The following RAPGEF6 variants were observed in gnomAD, a reference collection of about 807,000 sequenced individuals.
RAPGEF6 encodes Rap guanine nucleotide exchange factor 6.
A neutral mutation model predicts 171.4 loss-of-function variants in RAPGEF6; 56 were observed. That is an observed-to-expected ratio of 0.33 (90% CI 0.26 to 0.41). RAPGEF6 has a LOEUF of 0.41. Among genes scored for constraint, RAPGEF6 ranks in the 10% least tolerant of loss-of-function variants. The pLI is 1.00. For synonymous variants in RAPGEF6, 692 were observed against 650.1 expected (o/e 1.06, Z -0.98); for missense variants, 1,674 against 1,921.4 (o/e 0.87, Z 2.41).
intron 15 of RAPGEF6, among the ~76,000 whole-genome samples, chr5:131,481,573 T>G (rs555494976): frequency 6.6e-6 from 1 of 152,202 alleles, no homozygotes; most frequent in Admixed American, 6.5e-5. Context: ...TGGTGAATTA[T>G]TTCATCCTTA....
chr5:131,539,765 T>A (rs1447067531), intron 6 of RAPGEF6, among the ~76,000 whole-genome samples: 1 of 152,178 alleles, frequency 6.6e-6, no homozygotes, highest in African/African-American at 2.4e-5. Flanking sequence ...TCTAATATGC[T>A]CTGGATCTAA....
rs551684930 is a variant in RAPGEF6, at chr5:131,427,430, T to C, written c.4781-139A>G. On this transcript the variant is annotated intron_variant, in intron 27 of 27. Coordinates refer to ENST00000509018, the MANE Select transcript of RAPGEF6 (RefSeq NM_016340.6). ...CATCGAGGCCCAGATTTTATTATAA[T>C]AATACCTATGATTTCTGATCACATT... 8.8e-6 allele frequency: 6 copies of C among 681,904 alleles called. No homozygotes were observed. The East Asian group carries it at 1.4e-4, about 16-fold the overall frequency. 42.2% of individuals were successfully genotyped at this position (681,904 alleles called of 1,614,324 possible). A position where few individuals can be genotyped will look rare whatever the true frequency, so the allele number is the denominator to read the frequency against.
chr5:131,542,070 G>A (rs1300303879), intron 6 of RAPGEF6, among the ~76,000 whole-genome samples: 1 of 152,184 alleles, frequency 6.6e-6, no homozygotes, highest in Non-Finnish European at 1.5e-5. Context: ...CAAAGTGAGT[G>A]ATTCTGAGGG....
chr5:131,632,916 G>A (rs765909264), intron 1 of RAPGEF6, among the ~76,000 whole-genome samples: 40 of 152,276 alleles, frequency 2.6e-4, no homozygotes, highest in Middle Eastern at 3.4e-3. Context: ...TGTACTGTGG[G>A]CAGCTGTTTA....
intron 20 of RAPGEF6, among the ~76,000 whole-genome samples, chr5:131,455,406 C>T (rs1199391364): frequency 1.3e-5 from 2 of 152,122 alleles, no homozygotes; most frequent in East Asian, 3.9e-4. Flanking sequence ...CTACAGGCGG[C>T]CGCCACCACC....
At chr5:131,520,788 G>A (rs1256349469) in intron 7 of RAPGEF6, among the ~76,000 whole-genome samples, 1 of 152,132 alleles carries the variant, frequency 6.6e-6, no homozygotes, top group Admixed American at 6.5e-5. Flanking sequence ...CCTAACTTGG[G>A]TTCAATCTCA....
chr5:131,537,758 A>G (rs541542693), intron 6 of RAPGEF6, among the ~76,000 whole-genome samples: 1 of 152,320 alleles, frequency 6.6e-6, no homozygotes, highest in South Asian at 2.1e-4. Flanking sequence ...CAGATTGAAG[A>G]AACTGCAGAC....
intron 6 of RAPGEF6, among the ~76,000 whole-genome samples, chr5:131,536,506 T>C (rs747901782): frequency 2.6e-5 from 4 of 152,148 alleles, no homozygotes; most frequent in Non-Finnish European, 5.9e-5. Flanking sequence ...CTGTCATATA[T>C]ATCCACTAAC....
At chr5:131,492,828 C>T (rs1251086248) in intron 13 of RAPGEF6, 43 bp from the exon 14 acceptor site, 2 of 1,535,710 alleles carry the variant, frequency 1.3e-6, no homozygotes, top group African/African-American at 1.4e-5. Context: ...TGTATCTATT[C>T]CTATAGGTTT....
At chr5:131,517,650 G>T (rs1580955005) in intron 7 of RAPGEF6, among the ~76,000 whole-genome samples, 1 of 148,764 alleles carries the variant, frequency 6.7e-6, no homozygotes, top group African/African-American at 2.5e-5. Context: ...TAACTAAGGG[G>T]TATATTCATA....
chr5:131,493,088 G>A (rs888214522), intron 13 of RAPGEF6, among the ~76,000 whole-genome samples: 12 of 151,286 alleles, frequency 7.9e-5, no homozygotes, highest in African/African-American at 2.4e-4. Flanking sequence ...TTTTTGAGAC[G>A]GAGCCTCGCT....
rs1755145198 is a variant in RAPGEF6 at position 131,476,991 on chromosome 5, A to G, written c.2081+2522T>C. 4.6e-5 allele frequency among the ~76,000 whole-genome samples: 7 copies of G among 152,300 alleles called. No individual in the cohort carries two copies. In the South Asian group the frequency reaches 1.4e-3, roughly 32 times the overall value. Reference sequence around the variant, plus strand: ...AATGGTATCCAGTATTAAACTGTATATCCTGGATCAATATCAATATAGATC... The same window carrying G: ...AATGGTATCCAGTATTAAACTGTATGTCCTGGATCAATATCAATATAGATC... On this transcript the variant is annotated intron_variant, in intron 16 of 27. Transcript: ENST00000509018.
At chr5:131,549,071 T>C (rs2149950657) in intron 5 of RAPGEF6, among the ~76,000 whole-genome samples, 1 of 151,708 alleles carries the variant, frequency 6.6e-6, no homozygotes, top group African/African-American at 2.4e-5. Flanking sequence ...TCTCAAAAAA[T>C]TAAAAAAAAA....
At chr5:131,498,711 C>T (rs1380165604) in intron 11 of RAPGEF6, 104 bp from the exon 12 acceptor site, 39 of 1,065,354 alleles carry the variant, frequency 3.7e-5, no homozygotes, top group African/African-American at 8.1e-5. Flanking sequence ...TTAGACAAAT[C>T]GTCAAAGTAC....
At chr5:131,574,993 G>A (rs1762525113) in intron 4 of RAPGEF6, among the ~76,000 whole-genome samples, 1 of 152,074 alleles carries the variant, frequency 6.6e-6, no homozygotes, top group Admixed American at 6.5e-5. Flanking sequence ...AAATCTTACA[G>A]GTTGGTTCAG....
At position 131,429,234 on chromosome 5, in the gene RAPGEF6, C is replaced by G; in HGVS notation, c.4466-18G>C. On this transcript the variant is annotated intron_variant, in intron 26 of 27. Transcript: ENST00000509018. ...ACAGTACACTGGCATGAAAAATAAG[C>G]AATGAAAATGTTAATGAAAAAGAAA... The G allele has an allele frequency of 6.7e-7, 1 of 1,484,478 alleles. No individual in the cohort carries two copies. Among genetic ancestry groups the G allele is most frequent in the Non-Finnish European group, 9.1e-7 (1 of 1,102,452 alleles). The allele number at this position is 1,484,478 out of a possible 1,614,324, so 92.0% of individuals were successfully genotyped here.
chr5:131,593,498 C>G (rs923323337), intron 3 of RAPGEF6, among the ~76,000 whole-genome samples: 1 of 152,152 alleles, frequency 6.6e-6, no homozygotes, highest in Non-Finnish European at 1.5e-5. Context: ...CGGGCAGAGG[C>G]TGGAATGGTT....
At chr5:131,438,075 G>A (rs772926978) in intron 24 of RAPGEF6, among the ~76,000 whole-genome samples, 8 of 151,778 alleles carry the variant, frequency 5.3e-5, no homozygotes, top group East Asian at 1.9e-4. Context: ...TGCAACCTCC[G>A]CCTCCTTGGT....
intron 24 of RAPGEF6, among the ~76,000 whole-genome samples, chr5:131,437,238 AT>A (rs1752067535): frequency 6.6e-6 from 1 of 152,254 alleles, no homozygotes; most frequent in Admixed American, 6.5e-5. Flanking sequence ...TCACAAACCT[AT>A]AAACATGGTG....
Sources: gnomAD v4.1 joint callset for allele counts (sites outside exome capture counted in the v4.1 genomes callset) on GRCh38, gnomAD v4.1.1 for gene constraint, MANE v1.5 for transcripts, NCBI Gene and HGNC (gene_info 2026-07-23, HGNC 2026-07-21) for gene names.